The following AK5 variants were observed in gnomAD, a reference collection of about 807,000 sequenced individuals.
The protein encoded by AK5 is adenylate kinase isoenzyme 5.
AK5 carries 27 observed loss-of-function variants against 69.5 expected under a neutral mutation model. The observed-to-expected ratio is 0.39, with a 90% confidence interval of 0.29 to 0.54. The LOEUF is 0.54. AK5 is among the 20% of genes least tolerant of loss of function. The pLI, the probability that AK5 is intolerant of heterozygous loss-of-function variation, is 0.71. For synonymous variants in AK5, 260 were observed against 244.4 expected, an observed-to-expected ratio of 1.06 and a Z score of -0.60; for missense variants, 531 against 700.4, an observed-to-expected ratio of 0.76 and a Z score of 2.73.
chr1:77,429,673 A>T (rs1651463195), intron 8 of AK5, among the ~76,000 whole-genome samples: 1 of 152,090 alleles, frequency 6.6e-6, no homozygotes, highest in South Asian at 2.1e-4. Flanking sequence ...CTTCTCCAGG[A>T]TGGTCTAGAT....
intron 8 of AK5, among the ~76,000 whole-genome samples, chr1:77,434,511 TCAA>T (rs1199912819): frequency 3.3e-5 from 5 of 152,138 alleles, no homozygotes; most frequent in African/African-American, 1.2e-4. Context: ...TCAAAAACTG[TCAA>T]GAGGCTGAAA....
chr1:77,322,199 G>T (rs1570376059), intron 5 of AK5, among the ~76,000 whole-genome samples: 1 of 152,308 alleles, frequency 6.6e-6, no homozygotes, highest in Non-Finnish European at 1.5e-5. Flanking sequence ...AGAATGAATA[G>T]TGACTAATTT....
intron 10 of AK5, 25 bp from the exon 11 acceptor site, chr1:77,518,539 G>T (rs1657796880): frequency 2.5e-6 from 4 of 1,611,264 alleles, no homozygotes; most frequent in Non-Finnish European, 2.5e-6. Flanking sequence ...TGGAATGCAT[G>T]TCTGACACAT....
intron 8 of AK5, among the ~76,000 whole-genome samples, chr1:77,463,488 G>A (rs1324928279): frequency 2.0e-5 from 3 of 151,442 alleles, no homozygotes; most frequent in Non-Finnish European, 4.4e-5. Context: ...GGAAAGACAG[G>A]CAATTTAAAA....
At position 77,313,273 on chromosome 1, in the gene AK5, A is replaced by G. The variant is rs532851605; in HGVS notation, c.699+15326A>G. Among the ~76,000 whole-genome samples, 79 of 152,228 alleles carry G rather than the reference A, an allele frequency of 5.2e-4. 3 individuals are homozygous for G. Among genetic ancestry groups the G allele is most frequent in the African/African-American group, 1.8e-3 (76 of 41,502 alleles). On this transcript the variant is annotated intron_variant, in intron 5 of 13. Coordinates refer to ENST00000354567, the MANE Select transcript of AK5 (RefSeq NM_174858.3). ...CCAAGGCTCAGATGATAACTTGCTT[A>G]AAGCCACCAGCAGGCAAGAACAGAG...
Position 77,318,707 on chromosome 1 carries a change from T to G in AK5, c.699+20760T>G, listed in dbSNP as rs568295458. Among the ~76,000 whole-genome samples the G allele has an allele frequency of 1.9e-4, 29 of 151,964 alleles. 1 individual carries two copies. The South Asian group carries it at 6.0e-3, about 32-fold the overall frequency. Reference sequence around the variant, plus strand: ...TTGCTCCCTCACTGCTTGTCTCTCTTCAGTGGGTCTTTTTTTTTTTCTGCT... The same window carrying G: ...TTGCTCCCTCACTGCTTGTCTCTCTGCAGTGGGTCTTTTTTTTTTTCTGCT... On this transcript the variant is annotated intron_variant, in intron 5 of 13. Coordinates refer to ENST00000354567, the MANE Select transcript of AK5 (RefSeq NM_174858.3).
chr1:77,452,010 A>T (rs999829072), intron 8 of AK5, among the ~76,000 whole-genome samples: 1 of 152,224 alleles, frequency 6.6e-6, no homozygotes, highest in African/African-American at 2.4e-5. Context: ...TCTCAGGTGC[A>T]GAGGCCCAAG....
intron 6 of AK5, among the ~76,000 whole-genome samples, chr1:77,392,298 G>C (rs58586168): frequency 0.4 from 60,911 of 152,016 alleles, 13,018 homozygotes; most frequent in East Asian, 0.63. Context: ...GAATGTGAAA[G>C]AGCCTCTGAT....
intron 5 of AK5, among the ~76,000 whole-genome samples, chr1:77,323,991 A>G (rs570903203): frequency 1.3e-5 from 2 of 152,370 alleles, no homozygotes; most frequent in East Asian, 3.9e-4. Context: ...CTGCTGGAGC[A>G]GAAGACCAGG....
intron 6 of AK5, among the ~76,000 whole-genome samples, chr1:77,388,608 T>C (rs1648189003): frequency 6.6e-6 from 1 of 152,112 alleles, no homozygotes; most frequent in South Asian, 2.1e-4. Context: ...TAAGCATTCC[T>C]CATGTATGGG....
intron 8 of AK5, among the ~76,000 whole-genome samples, chr1:77,445,949 AT>A (rs1652725817): frequency 6.6e-6 from 1 of 152,062 alleles, no homozygotes. Context: ...AGTTCCATGT[AT>A]TTATTTTTGC....
chr1:77,314,257 C>A, intron 5 of AK5: 1 of 209,816 alleles, frequency 4.8e-6, no homozygotes, highest in Non-Finnish European at 9.7e-6. Context: ...TTGAACCAGG[C>A]TAAGCAGGTC....
chr1:77,426,129 A>G (rs1243308732), intron 8 of AK5, among the ~76,000 whole-genome samples: 1 of 152,236 alleles, frequency 6.6e-6, no homozygotes, highest in African/African-American at 2.4e-5. Context: ...TAATCCAAGT[A>G]TATCAATAAT....
intron 12 of AK5, among the ~76,000 whole-genome samples, chr1:77,532,647 T>C (rs1361854186): frequency 6.6e-6 from 1 of 152,226 alleles, no homozygotes; most frequent in Non-Finnish European, 1.5e-5. Context: ...GTAAAGCCCT[T>C]AGCACAGTGA....
chr1:77,489,279 A>G (rs1361707158), intron 10 of AK5, among the ~76,000 whole-genome samples: 2 of 152,202 alleles, frequency 1.3e-5, no homozygotes, highest in East Asian at 3.8e-4. Flanking sequence ...CTTCTATCTA[A>G]CAAAACTCTC....
chr1:77,403,702 T>G (rs558836530), intron 6 of AK5, among the ~76,000 whole-genome samples: 304 of 152,346 alleles, frequency 2.0e-3, no homozygotes, highest in African/African-American at 7.0e-3. Context: ...GACTGTAGCC[T>G]TGTAGTATAG....
chr1:77,429,428 T>C (rs989486359), intron 8 of AK5, among the ~76,000 whole-genome samples: 2 of 152,220 alleles, frequency 1.3e-5, no homozygotes, highest in African/African-American at 2.4e-5. Flanking sequence ...TCATATCCTT[T>C]GCCCACTTTT....
chr1:77,462,640 A>G (rs1369505913), intron 8 of AK5, among the ~76,000 whole-genome samples: 2 of 152,138 alleles, frequency 1.3e-5, no homozygotes, highest in East Asian at 3.9e-4. Flanking sequence ...TTTCAGTATT[A>G]ATACACATGC....
At chr1:77,334,175 A>G (rs1661229594) in intron 5 of AK5, among the ~76,000 whole-genome samples, 1 of 152,164 alleles carries the variant, frequency 6.6e-6, no homozygotes, top group South Asian at 2.1e-4. Flanking sequence ...TTGTTTGGAA[A>G]TGCTGTATTT....
Sources: gnomAD v4.1 joint callset for allele counts (sites outside exome capture counted in the v4.1 genomes callset) on GRCh38, gnomAD v4.1.1 for gene constraint, MANE v1.5 for transcripts, NCBI Gene and HGNC (gene_info 2026-07-23, HGNC 2026-07-21) for gene names.